The following FRMPD4 variants were observed in gnomAD, a reference collection of about 807,000 sequenced individuals.
FRMPD4 encodes the protein FERM and PDZ domain-containing protein 4.
FRMPD4 carries 22 observed loss-of-function variants against 94.1 expected under a neutral mutation model. The observed-to-expected ratio is 0.23, with a 90% confidence interval of 0.17 to 0.33. The LOEUF is 0.33. Among genes scored for constraint, FRMPD4 ranks in the 10% least tolerant of loss-of-function variants. FRMPD4 has a pLI of 1.00. For missense variants in FRMPD4, 1,111 were observed against 1,339.9 expected (o/e 0.83, Z 2.67); for synonymous variants, 631 against 548.6 (o/e 1.15, Z -2.10).
At chrX:12,600,955 A>G (rs1249470618) in intron 2 of FRMPD4, among the ~76,000 whole-genome samples, 4 of 112,578 alleles carry the variant, frequency 3.6e-5, no homozygotes, top group Non-Finnish European at 7.5e-5. Flanking sequence ...AAAAAGGACT[A>G]TTGAAATATC....
intron 3 of FRMPD4, among the ~76,000 whole-genome samples, chrX:12,109,096 C>T (rs1400723103): frequency 2.7e-5 from 3 of 111,816 alleles, no homozygotes; most frequent in South Asian, 3.7e-4. Flanking sequence ...ACAGAACTCT[C>T]CACCCCAAAT....
chrX:11,843,436 C>T (rs776221297), intron 1 of FRMPD4, among the ~76,000 whole-genome samples: 5 of 111,397 alleles, frequency 4.5e-5, no homozygotes, highest in African/African-American at 1.6e-4. Flanking sequence ...ATAAATCCTA[C>T]AAAATAGTGT....
At chrX:12,652,730 A>G (rs890616639) in intron 4 of FRMPD4, among the ~76,000 whole-genome samples, 3 of 112,150 alleles carry the variant, frequency 2.7e-5, no homozygotes, top group Non-Finnish European at 5.6e-5. Flanking sequence ...GAAACTACAG[A>G]TTAGTTTCAA....
At chrX:12,473,547 AGT>A (rs1569290618) in intron 1 of FRMPD4, among the ~76,000 whole-genome samples, 1 of 110,022 alleles carries the variant, frequency 9.1e-6, no homozygotes, top group Non-Finnish European at 1.9e-5. Context: ...AAGACCCATC[AGT>A]GTGCTCTATT....
intron 1 of FRMPD4, among the ~76,000 whole-genome samples, chrX:12,231,023 A>G (rs1474438585): frequency 6.1e-5 from 3 of 48,819 alleles, no homozygotes; most frequent in South Asian, 9.5e-4. Context: ...TATATAGTAT[A>G]TATATAGTAT....
At chrX:12,345,367 G>T (rs2055690016) in intron 1 of FRMPD4, among the ~76,000 whole-genome samples, 1 of 111,673 alleles carries the variant, frequency 9.0e-6, no homozygotes, top group Admixed American at 9.5e-5. Context: ...TTGCCTTTCA[G>T]ATCTATTTTA....
chrX:12,657,553 C>T (rs1006918524), intron 4 of FRMPD4, among the ~76,000 whole-genome samples: 1 of 111,265 alleles, frequency 9.0e-6, no homozygotes, highest in Non-Finnish European at 1.9e-5. Context: ...TGCCATATTT[C>T]GTTTATTAGA....
At chrX:12,538,928 C>A (rs761614926) in intron 2 of FRMPD4, among the ~76,000 whole-genome samples, 1 of 111,872 alleles carries the variant, frequency 8.9e-6, no homozygotes, top group African/African-American at 3.2e-5. Flanking sequence ...AGAGCTGGAG[C>A]TGGATGGAGA....
At chrX:12,161,986 G>T (rs1338139466) in intron 1 of FRMPD4, among the ~76,000 whole-genome samples, 1 of 111,064 alleles carries the variant, frequency 9.0e-6, no homozygotes, top group Non-Finnish European at 1.9e-5. Flanking sequence ...ATTACATATC[G>T]CTTTCCTTCA....
At position 12,662,193 on chromosome X, in the gene FRMPD4, A is replaced by G. The variant is rs144614504; in HGVS notation, c.423-12670A>G. ...GCAGAAAACAATTATTTTTTTTTTT[A>G]GTTTTCTTTTTTAATATTTTTATTA... is the stretch of plus-strand genomic sequence containing the variant. On this transcript the variant is annotated intron_variant, in intron 4 of 16. Coordinates refer to ENST00000675598, the MANE Select transcript of FRMPD4 (RefSeq NM_001368397.1). Among the ~76,000 whole-genome samples, 122 of 109,371 alleles carry G rather than the reference A, an allele frequency of 1.1e-3. 1 individual carries two copies. In the East Asian group the frequency reaches 0.03, roughly 27 times the overall value. 95.0% of individuals were successfully genotyped at this position (109,371 alleles called of 115,157 possible).
intron 1 of FRMPD4, among the ~76,000 whole-genome samples, chrX:11,850,240 A>C (rs1358970428): frequency 8.9e-6 from 1 of 112,397 alleles, no homozygotes; most frequent in South Asian, 3.7e-4. Flanking sequence ...CTACTTACCT[A>C]TTAGGGTGGT....
intron 1 of FRMPD4, among the ~76,000 whole-genome samples, chrX:12,180,868 A>G (rs1287843305): frequency 8.9e-6 from 1 of 112,326 alleles, no homozygotes; most frequent in Non-Finnish European, 1.9e-5. Flanking sequence ...TTCACTGGCT[A>G]TAGTTTGGTA....
chrX:12,664,901 G>A (rs903750885), intron 4 of FRMPD4, among the ~76,000 whole-genome samples: 7 of 111,755 alleles, frequency 6.3e-5, no homozygotes, highest in Non-Finnish European at 7.5e-5. Context: ...GGTCTATTCC[G>A]AGATTCGACA....
intron 3 of FRMPD4, among the ~76,000 whole-genome samples, chrX:12,101,939 C>A (rs111732666): frequency 8.9e-5 from 10 of 112,232 alleles, no homozygotes; most frequent in African/African-American, 2.9e-4. Flanking sequence ...GATCCAACTA[C>A]ATTAAGCTTC....
chrX:12,410,447 T>C (rs1325182113), intron 1 of FRMPD4, among the ~76,000 whole-genome samples: 2 of 111,517 alleles, frequency 1.8e-5, no homozygotes, highest in Non-Finnish European at 3.8e-5. Context: ...TCATGCTCCA[T>C]GGTGTGCTGC....
intron 1 of FRMPD4, among the ~76,000 whole-genome samples, chrX:12,164,744 C>G (rs1175972571): frequency 8.9e-6 from 1 of 112,371 alleles, no homozygotes; most frequent in Non-Finnish European, 1.9e-5. Context: ...GCCATTCTAA[C>G]TGGTGTGAGA....
intron 10 of FRMPD4, among the ~76,000 whole-genome samples, chrX:12,703,500 G>A (rs978342439): frequency 1.8e-5 from 2 of 111,415 alleles, no homozygotes; most frequent in African/African-American, 6.5e-5. Context: ...TCTTTGGAGA[G>A]GACCTAGAAC....
intron 1 of FRMPD4, among the ~76,000 whole-genome samples, chrX:12,334,816 A>G (rs1018198110): frequency 9.0e-6 from 1 of 111,679 alleles, no homozygotes; most frequent in African/African-American, 3.3e-5. Context: ...AGAAAAAGAC[A>G]TAAAGACAGC....
At chrX:11,918,202 T>C (rs775815885) in intron 3 of FRMPD4, among the ~76,000 whole-genome samples, 3 of 113,336 alleles carry the variant, frequency 2.6e-5, no homozygotes, top group Non-Finnish European at 5.6e-5. Context: ...CAATGTTTTA[T>C]AAAATGTTTA....
Sources: allele counts gnomAD v4.1 joint callset (sites outside exome capture counted in the v4.1 genomes callset), GRCh38; gene constraint gnomAD v4.1.1; transcripts MANE v1.5; gene names NCBI Gene and HGNC (gene_info 2026-07-23, HGNC 2026-07-21).